The following FMN1 variants were observed in gnomAD, a reference collection of about 807,000 sequenced individuals.
FMN1 encodes the protein formin 1.
In FMN1, 110 loss-of-function variants were observed where a neutral mutation model predicts 132.4. The ratio of observed to expected loss-of-function variants is 0.83; its 90% CI spans 0.71 to 0.97. The LOEUF is 0.97. FMN1 is among the 50% of genes least tolerant of loss of function. FMN1 has a pLI of 0.00. For synonymous variants in FMN1, 722 were observed against 651.7 expected, an observed-to-expected ratio of 1.11 and a Z score of -1.64; for missense variants, 1,792 against 1,705.3, an observed-to-expected ratio of 1.05 and a Z score of -0.90.
intron 5 of FMN1, among the ~76,000 whole-genome samples, chr15:33,069,754 T>G (rs1312053827): frequency 6.6e-6 from 1 of 152,214 alleles, no homozygotes; most frequent in African/African-American, 2.4e-5. Flanking sequence ...GATTTGATCT[T>G]GTGTTTTAAA....
intron 9 of FMN1, among the ~76,000 whole-genome samples, chr15:32,932,070 G>C (rs1162678693): frequency 6.6e-6 from 1 of 152,086 alleles, no homozygotes; most frequent in Non-Finnish European, 1.5e-5. Flanking sequence ...TTGACACTTG[G>C]TGATGGTATA....
chr15:33,040,766 T>G (rs1420170041), intron 6 of FMN1, among the ~76,000 whole-genome samples: 1 of 152,234 alleles, frequency 6.6e-6, no homozygotes, highest in Non-Finnish European at 1.5e-5. Context: ...ATCTTTTTTA[T>G]CGAAGTTCAC....
intron 15 of FMN1, among the ~76,000 whole-genome samples, chr15:32,889,377 C>G (rs1229711902): frequency 6.6e-6 from 1 of 152,314 alleles, no homozygotes; most frequent in East Asian, 1.9e-4. Flanking sequence ...TTATTCCTCT[C>G]TCTGCACAGG....
intron 4 of FMN1, among the ~76,000 whole-genome samples, chr15:33,098,155 G>T (rs1348442814): frequency 6.6e-6 from 1 of 152,134 alleles, no homozygotes; most frequent in African/African-American, 2.4e-5. Flanking sequence ...ATAACTCATA[G>T]GTCAAAGAAG....
At chr15:32,895,212 A>G (rs1469278125) in intron 15 of FMN1, among the ~76,000 whole-genome samples, 2 of 152,138 alleles carry the variant, frequency 1.3e-5, no homozygotes, top group African/African-American at 4.8e-5. Flanking sequence ...CCTGAGATTC[A>G]TGAGTGTGAT....
At position 32,918,212 on chromosome 15, in the gene FMN1, T is replaced by C. The variant is rs11853940; in HGVS notation, c.3227-7677A>G. Among the ~76,000 whole-genome samples the C allele has an allele frequency of 3.4e-3, 524 of 152,178 alleles. 4 individuals carry two copies. Among genetic ancestry groups the C allele is most frequent in the African/African-American group, 0.012 (511 of 41,512 alleles). ...AATTTTCTTGAGTATATAACAATAA[T>C]TGTAATTTTACACTGCATGCCAAAA... On this transcript the variant is annotated intron_variant, in intron 10 of 20. Transcript: ENST00000616417.
intron 9 of FMN1, among the ~76,000 whole-genome samples, chr15:32,963,788 CAGA>C (rs1259688235): frequency 1.3e-5 from 2 of 151,964 alleles, no homozygotes; most frequent in Non-Finnish European, 2.9e-5. Context: ...TTTGAAAATT[CAGA>C]AGATATGGCC....
At chr15:32,896,471 A>G (rs1181459729) in intron 15 of FMN1, among the ~76,000 whole-genome samples, 1 of 152,108 alleles carries the variant, frequency 6.6e-6, no homozygotes. Context: ...GTTCTCTTAA[A>G]TTTTTAAGTG....
intron 4 of FMN1, among the ~76,000 whole-genome samples, chr15:33,140,874 AG>A: frequency 1.3e-5 from 2 of 152,246 alleles, no homozygotes; most frequent in Non-Finnish European, 2.9e-5. Context: ...TGTATAAACT[AG>A]GATCTTATTT....
At chr15:33,018,986 G>A (rs191332990) in intron 6 of FMN1, among the ~76,000 whole-genome samples, 1 of 152,190 alleles carries the variant, frequency 6.6e-6, no homozygotes, top group South Asian at 2.1e-4. Context: ...GTGAGCAGCA[G>A]CAAGATTTAT....
At position 33,034,939 on chromosome 15, in the gene FMN1, T is replaced by C. The variant is rs151128173; in HGVS notation, c.2162-26864A>G. On this transcript the variant is annotated intron_variant, in intron 6 of 20. Coordinates refer to ENST00000616417, the MANE Select transcript of FMN1 (RefSeq NM_001277313.2). The stretch of plus-strand genomic sequence containing the variant: ...ATTTCACCCAACACAAAAGCCAATC[T>C]CAAACAATATCCTATAATGTTCTAA... 1.1e-4 allele frequency among the ~76,000 whole-genome samples: 16 copies of C among 152,248 alleles called. No homozygotes were observed. The East Asian group carries it at 2.9e-3, about 28-fold the overall frequency.
intron 6 of FMN1, among the ~76,000 whole-genome samples, chr15:33,039,948 TAG>T (rs1329287167): frequency 6.6e-6 from 1 of 152,222 alleles, no homozygotes; most frequent in Admixed American, 6.5e-5. Flanking sequence ...TTGGTATTTC[TAG>T]AGGAGTCTTA....
At chr15:33,030,825 GTTTT>G (rs753815951) in intron 6 of FMN1, among the ~76,000 whole-genome samples, 116 of 152,176 alleles carry the variant, frequency 7.6e-4, no homozygotes, top group Non-Finnish European at 1.3e-3. Context: ...TTATGTGGGA[GTTTT>G]TTTATTAATA....
intron 19 of FMN1, among the ~76,000 whole-genome samples, chr15:32,785,138 GTGT>G (rs1567162435): frequency 5.7e-5 from 8 of 139,842 alleles, no homozygotes; most frequent in Non-Finnish European, 1.1e-4. Context: ...TGCTAGGGGT[GTGT>G]GTGTGTGTGT....
intron 9 of FMN1, among the ~76,000 whole-genome samples, chr15:32,962,310 T>C (rs2030659261): frequency 6.6e-6 from 1 of 151,956 alleles, no homozygotes; most frequent in South Asian, 2.1e-4. Context: ...TGAAACTGGA[T>C]CCCTTCCTTA....
At chr15:32,782,107 T>C (rs976774441) in intron 19 of FMN1, among the ~76,000 whole-genome samples, 13 of 152,220 alleles carry the variant, frequency 8.5e-5, no homozygotes, top group African/African-American at 2.9e-4. Context: ...ACAAAGCACT[T>C]TGTGCCTCTC....
chr15:33,114,803 C>G (rs755101100), intron 4 of FMN1, among the ~76,000 whole-genome samples: 3 of 152,152 alleles, frequency 2.0e-5, no homozygotes, highest in Admixed American at 6.6e-5. Flanking sequence ...AGAAATAATC[C>G]TACTTTAGCT....
At chr15:32,829,579 G>A (rs1183723381) in intron 17 of FMN1, among the ~76,000 whole-genome samples, 3 of 152,168 alleles carry the variant, frequency 2.0e-5, no homozygotes, top group Admixed American at 6.5e-5. Flanking sequence ...TCCTAAAATT[G>A]GTTCTCTGTG....
intron 6 of FMN1, among the ~76,000 whole-genome samples, chr15:33,040,865 A>G (rs912558541): frequency 2.0e-5 from 3 of 152,342 alleles, no homozygotes; most frequent in African/African-American, 7.2e-5. Flanking sequence ...TCTGAAAACC[A>G]TTTGTTATTG....
Sources: allele counts gnomAD v4.1 joint callset (sites outside exome capture counted in the v4.1 genomes callset), GRCh38; gene constraint gnomAD v4.1.1; transcripts MANE v1.5; gene names NCBI Gene and HGNC (gene_info 2026-07-23, HGNC 2026-07-21).